ALK: variants seen among roughly 807,000 people sequenced by gnomAD.
ALK encodes ALK tyrosine kinase receptor.
ALK carries 74 observed loss-of-function variants against 163.1 expected under a neutral mutation model. That is an observed-to-expected ratio of 0.45 (90% CI 0.38 to 0.55). The LOEUF (loss-of-function observed/expected upper bound fraction) is 0.55, where lower values mean the gene tolerates loss of function less well. Ranked by LOEUF, ALK falls within the 20% of genes least tolerant of loss-of-function variation. The probability of loss-of-function intolerance (pLI) is 0.00; values close to 1 mark genes in which losing one functional copy is unlikely to be tolerated. For synonymous variants in ALK, 960 were observed against 843.2 expected (o/e 1.14, Z -2.40); for missense variants, 2,063 against 2,105.3 (o/e 0.98, Z 0.39).
chr2:29,468,229 A>G (rs1671260103), intron 4 of ALK, among the ~76,000 whole-genome samples: 1 of 152,122 alleles, frequency 6.6e-6, no homozygotes, highest in African/African-American at 2.4e-5. Context: ...GGGTTTCACC[A>G]TGTTGGTCAG....
At chr2:29,801,262 C>T (rs1664462056) in intron 1 of ALK, among the ~76,000 whole-genome samples, 1 of 152,140 alleles carries the variant, frequency 6.6e-6, no homozygotes, top group African/African-American at 2.4e-5. Context: ...CATTTGCTTT[C>T]CCAATTTCCA....
intron 3 of ALK, among the ~76,000 whole-genome samples, chr2:29,586,783 G>T (rs1674901574): frequency 6.6e-6 from 1 of 152,184 alleles, no homozygotes; most frequent in Non-Finnish European, 1.5e-5. Context: ...CCAGGAACAG[G>T]ACTCAAATTT....
At chr2:29,554,252 G>C (rs940091900) in intron 3 of ALK, among the ~76,000 whole-genome samples, 4 of 152,160 alleles carry the variant, frequency 2.6e-5, no homozygotes, top group African/African-American at 9.7e-5. Flanking sequence ...GGGAAAAAGG[G>C]AAAACCTTTG....
At chr2:29,848,825 T>C (rs943466768) in intron 1 of ALK, among the ~76,000 whole-genome samples, 8 of 152,100 alleles carry the variant, frequency 5.3e-5, no homozygotes, top group African/African-American at 1.9e-4. Flanking sequence ...TGAGCTCACA[T>C]AGAATGCACA....
chr2:29,319,435 T>C (rs528161057), intron 7 of ALK, among the ~76,000 whole-genome samples: 7 of 152,130 alleles, frequency 4.6e-5, no homozygotes, highest in Non-Finnish European at 8.8e-5. Flanking sequence ...GGAGCTGGCA[T>C]TGTGTGACTG....
chr2:29,610,134 C>T (rs763720156), intron 3 of ALK, among the ~76,000 whole-genome samples: 20 of 152,132 alleles, frequency 1.3e-4, no homozygotes, highest in Non-Finnish European at 2.8e-4. Context: ...GATATAAGTA[C>T]CAGCATAACT....
At chr2:29,822,006 C>T (rs953126381) in intron 1 of ALK, among the ~76,000 whole-genome samples, 1 of 152,218 alleles carries the variant, frequency 6.6e-6, no homozygotes. Flanking sequence ...GTATGCTTAG[C>T]TTCTAAACCT....
chr2:29,296,876 C>T lies in ALK; in HGVS notation c.1817+12G>A, dbSNP rs2148230966. ...GAGGAGAAGGGTATTGGGGGAGATG[C>T]ATAGAGCCTACCTGTCAGACACATC... On this transcript the variant is annotated intron_variant, in intron 9 of 28. Transcript: ENST00000389048. 1.2e-6 allele frequency: 2 copies of T among 1,614,090 alleles called. No homozygotes were observed. Among genetic ancestry groups the T allele is most frequent in the South Asian group, 1.1e-5 (1 of 91,066 alleles).
intron 1 of ALK, among the ~76,000 whole-genome samples, chr2:29,775,188 G>T (rs1239821760): frequency 6.6e-6 from 1 of 152,152 alleles, no homozygotes; most frequent in African/African-American, 2.4e-5. Flanking sequence ...ATGCTCAGTG[G>T]AAGGTTATAA....
intron 4 of ALK, among the ~76,000 whole-genome samples, chr2:29,387,021 T>C (rs1276504686): frequency 6.6e-6 from 1 of 152,214 alleles, no homozygotes; most frequent in African/African-American, 2.4e-5. Context: ...GAAGGTTATG[T>C]TCTGACCTAG....
chr2:29,461,943 G>A (rs761683437), intron 4 of ALK, among the ~76,000 whole-genome samples: 1 of 152,146 alleles, frequency 6.6e-6, no homozygotes, highest in Non-Finnish European at 1.5e-5. Flanking sequence ...TGTAGCAGAG[G>A]TCGAAATATC....
At chr2:29,770,191 T>G (rs2339479) in intron 1 of ALK, among the ~76,000 whole-genome samples, 40,235 of 151,674 alleles carry the variant, frequency 0.27, 6,393 homozygotes, top group African/African-American at 0.43. Context: ...AAGGAGTGAG[T>G]TTTTGTATCC....
At chr2:29,869,224 A>G (rs1384431321) in intron 1 of ALK, among the ~76,000 whole-genome samples, 1 of 152,252 alleles carries the variant, frequency 6.6e-6, no homozygotes, top group Non-Finnish European at 1.5e-5. Context: ...ATGCAACCAT[A>G]TAACAAGAGA....
At chr2:29,656,743 G>T (rs1458958634) in intron 3 of ALK, among the ~76,000 whole-genome samples, 1 of 152,092 alleles carries the variant, frequency 6.6e-6, no homozygotes, top group Non-Finnish European at 1.5e-5. Context: ...GAGAGACTCA[G>T]AATCCAATGA....
Position 29,625,743 on chromosome 2 carries a change from C to T in ALK, c.952+69107G>A, listed in dbSNP as rs528827116. Among the ~76,000 whole-genome samples the T allele has an allele frequency of 2.0e-5, 3 of 152,318 alleles. No individual in the cohort carries two copies. In the South Asian group the frequency reaches 6.2e-4, roughly 32 times the overall value. ...CAGCTGTTAATCCCATGCTTGCTGC[C>T]CTCACTTACTTATCCAGCTAACCTC... is the stretch of plus-strand genomic sequence containing the variant. On this transcript the variant is annotated intron_variant, in intron 3 of 28. Coordinates refer to ENST00000389048, the MANE Select transcript of ALK (RefSeq NM_004304.5).
intron 1 of ALK, among the ~76,000 whole-genome samples, chr2:29,848,996 C>T (rs145429906): frequency 1.6e-3 from 243 of 152,322 alleles, no homozygotes; most frequent in Middle Eastern, 6.8e-3. Context: ...CACCTCTCCC[C>T]TCCCCATAGT....
intron 3 of ALK, among the ~76,000 whole-genome samples, chr2:29,646,372 T>C (rs948296788): frequency 7.9e-5 from 12 of 152,168 alleles, no homozygotes; most frequent in African/African-American, 2.9e-4. Flanking sequence ...CTTGAAAATA[T>C]TTCTACACAT....
intron 3 of ALK, among the ~76,000 whole-genome samples, chr2:29,532,402 G>A (rs1020633696): frequency 8.5e-5 from 13 of 152,090 alleles, no homozygotes; most frequent in African/African-American, 3.1e-4. Flanking sequence ...TAGAGCCTTC[G>A]ATTTTTCATC....
chr2:29,849,613 C>T (rs996424064), intron 1 of ALK, among the ~76,000 whole-genome samples: 36 of 152,216 alleles, frequency 2.4e-4, no homozygotes, highest in African/African-American at 7.0e-4. Context: ...ATTCAAGAAA[C>T]ATTTACCAAG....
Sources: gnomAD v4.1 joint callset for allele counts (sites outside exome capture counted in the v4.1 genomes callset) on GRCh38, gnomAD v4.1.1 for gene constraint, MANE v1.5 for transcripts, NCBI Gene and HGNC (gene_info 2026-07-23, HGNC 2026-07-21) for gene names.